Variants in HNF1A observed in about 807,000 individuals in gnomAD.
HNF1A encodes HNF1 homeobox A.
Under a neutral mutation model 62.2 loss-of-function variants are expected in HNF1A, and 21 were observed. The ratio of observed to expected loss-of-function variants is 0.34; its 90% CI spans 0.24 to 0.49. The LOEUF (loss-of-function observed/expected upper bound fraction) is 0.49. HNF1A is among the 20% of genes least tolerant of loss of function. The pLI, the probability that HNF1A is intolerant of heterozygous loss-of-function variation, is 0.99. For synonymous variants in HNF1A, 374 were observed against 366.8 expected (o/e 1.02, Z -0.22); for missense variants, 687 against 832.3 (o/e 0.83, Z 2.15).
intron 9 of HNF1A, among the ~76,000 whole-genome samples, chr12:121,000,335 A>T (rs1265067698): frequency 6.6e-6 from 1 of 152,260 alleles, no homozygotes; most frequent in South Asian, 2.1e-4. Flanking sequence ...AGGCGTGTCC[A>T]TGACCACCCC....
At chr12:120,989,291 C>G (rs1301187927) in intron 2 of HNF1A, among the ~76,000 whole-genome samples, 1 of 151,752 alleles carries the variant, frequency 6.6e-6, no homozygotes, top group Non-Finnish European at 1.5e-5. Flanking sequence ...GAGTTTTGCT[C>G]TTATTGCCCA....
intron 9 of HNF1A, among the ~76,000 whole-genome samples, chr12:121,000,272 C>G (rs1877364638): frequency 6.6e-6 from 1 of 152,128 alleles, no homozygotes. Context: ...CCGGCCCTGG[C>G]AGCTGTCATG....
At chr12:120,986,602 C>T (rs1004477377) in intron 1 of HNF1A, among the ~76,000 whole-genome samples, 2 of 152,140 alleles carry the variant, frequency 1.3e-5, no homozygotes, top group African/African-American at 2.4e-5. Flanking sequence ...TTTTTTGAGA[C>T]GGAGTCTCAC....
chr12:120,983,283 C>T (rs946679296), intron 1 of HNF1A, among the ~76,000 whole-genome samples: 1 of 152,200 alleles, frequency 6.6e-6, no homozygotes, highest in Non-Finnish European at 1.5e-5. Flanking sequence ...CAATATTATT[C>T]CACAAATTCA....
At position 121,001,153 on chromosome 12, in the gene HNF1A, G is replaced by T. The variant is rs1877449055; in HGVS notation, c.1857G>T (p.Glu619Asp). ...HLLPSNHSVI[E>D]TFISTQMASS... ...TGCCATCCAACCACAGCGTCATCGAGACCTTCATCTCCACCCAGATGGCCT... is the reference window on the plus strand; with the variant it reads ...TGCCATCCAACCACAGCGTCATCGATACCTTCATCTCCACCCAGATGGCCT... Residue 619 changes from glutamate to aspartate, a missense_variant, in exon 10 of 10, where the codon GAG (glutamate) becomes GAT (aspartate). By Grantham distance (45) the Glu-to-Asp change is conservative. Transcript: ENST00000257555. 1 of 1,614,096 alleles carries T rather than the reference G, an allele frequency of 6.2e-7. No individual in the cohort carries two copies. Among genetic ancestry groups the T allele is most frequent in the East Asian group, 2.2e-5 (1 of 44,882 alleles).
At position 120,994,261 on chromosome 12, in the gene HNF1A, C is replaced by T. The variant is rs886039386; in HGVS notation, c.811C>T (p.Arg271Trp). ...GCGTGTCTACAACTGGTTTGCCAAC[C>T]GGCGCAAAGAAGAAGCCTTCCGGCA... is the stretch of plus-strand genomic sequence containing the variant. Reference protein sequence around the residue: ...EVRVYNWFANRRKEEAFRHKL... With the variant: ...EVRVYNWFANWRKEEAFRHKL... Residue 271 changes from arginine to tryptophan, a missense_variant, in exon 4 of 10, where the codon CGG (arginine) becomes TGG (tryptophan). Arg to Trp is a moderately radical substitution (Grantham distance 101). Transcript: ENST00000257555. 1 of 1,613,446 alleles carries T rather than the reference C, an allele frequency of 6.2e-7. No individual in the cohort carries two copies. The highest frequency in any genetic ancestry group is 1.3e-5 in the African/African-American group (1 of 75,036).
rs193922591 is a variant in HNF1A at position 121,001,150 on chromosome 12, C to G, written c.1854C>G (p.Ile618Met). ...SHLLPSNHSVIETFISTQMAS... is the reference protein window; with the variant it reads ...SHLLPSNHSVMETFISTQMAS... The stretch of plus-strand genomic sequence containing the variant: ...TGCTGCCATCCAACCACAGCGTCAT[C>G]GAGACCTTCATCTCCACCCAGATGG... Residue 618 changes from isoleucine to methionine, a missense_variant, in exon 10 of 10, where the codon ATC (isoleucine) becomes ATG (methionine). By Grantham distance (10) the Ile-to-Met change is conservative. Around this residue, in one of 5 missense-constraint regions of HNF1A, gnomAD observed 408 missense variants for 455.3 expected, o/e 0.90. Transcript: ENST00000257555. 2.0e-5 allele frequency: 32 copies of G among 1,613,992 alleles called. 1 individual carries two copies. The East Asian group carries it at 2.2e-4, about 11-fold the overall frequency.
Position 120,993,514 on chromosome 12 carries a change from CT to C in HNF1A, c.527-5del. On this transcript the variant is annotated splice_region_variant and splice_polypyrimidine_tract_variant and intron_variant, in intron 2 of 9. Transcript: ENST00000257555. The stretch of plus-strand genomic sequence containing the variant: ...GTACCCCACTCACGGCTTTCTGTGC[CT>C]GCAGAGTTCACCCATGCAGGGCAGG... 11 of 1,613,860 alleles carry C rather than the reference CT, an allele frequency of 6.8e-6. No homozygotes were observed. Among genetic ancestry groups the C allele is most frequent in the Non-Finnish European group, 9.3e-6 (11 of 1,179,966 alleles).
intron 1 of HNF1A, among the ~76,000 whole-genome samples, chr12:120,985,565 G>C (rs1448123787): frequency 6.6e-6 from 1 of 151,694 alleles, no homozygotes. Context: ...CCAAGTACTT[G>C]GGAGTCCGAG....
chr12:120,996,683 G>A lies in HNF1A; in HGVS notation c.1250G>A (p.Gly417Asp). The A allele has an allele frequency of 6.2e-7, 1 of 1,614,122 alleles. No individual in the cohort carries two copies. The highest frequency in any genetic ancestry group is 8.5e-7 in the Non-Finnish European group (1 of 1,180,034). ...CCTGGGGTCATGACCATCGGGCCTG[G>A]TGAGCCTGCCTCCCTGGGTCCTACG... Reference protein sequence around the residue: ...SLPGVMTIGPGEPASLGPTFT... With the variant: ...SLPGVMTIGPDEPASLGPTFT... Residue 417 changes from glycine (G) to aspartate (D), a missense_variant, in exon 6 of 10, where the codon GGT becomes GAT. Coordinates refer to ENST00000257555, the MANE Select transcript of HNF1A (RefSeq NM_000545.8). The surrounding 1 kb of genome is among the most constrained non-coding windows in gnomAD (Gnocchi z 4.5).
intron 1 of HNF1A, 149 bp from the exon 2 acceptor site, chr12:120,988,684 G>A: frequency 1.4e-6 from 1 of 713,826 alleles, no homozygotes; most frequent in Non-Finnish European, 2.5e-6. Context: ...CCGTCCCTGA[G>A]TCTATGTGTA....
intron 1 of HNF1A, among the ~76,000 whole-genome samples, chr12:120,982,124 G>A (rs544599784): frequency 2.3e-4 from 35 of 152,296 alleles, no homozygotes; most frequent in Admixed American, 9.8e-4. Context: ...CGGCTGGAGT[G>A]CATGGCGCGA....
chr12:120,993,538 A>G lies in HNF1A; in HGVS notation c.545A>G (p.Gln182Arg). The change falls in exon 3 of 10, where the codon CAG becomes CGG. Residue 182 changes from glutamine to arginine, a missense_variant. By Grantham distance (43) the Gln-to-Arg change is conservative (BLOSUM62 1). This residue lies in a region of HNF1A where 47 missense variants were observed against 52.5 expected (regional missense o/e 0.90). Transcript: ENST00000257555. ...CCTGCAGAGTTCACCCATGCAGGGC[A>G]GGGAGGGCTGATTGAAGAGCCCACA... ...EVAQQFTHAG[Q>R]GGLIEEPTGD... 6.2e-7 allele frequency: 1 copy of G among 1,614,152 alleles called. No homozygotes were observed. Among genetic ancestry groups the G allele is most frequent in the South Asian group, 1.1e-5 (1 of 91,082 alleles).
chr12:120,978,762 C>A lies in HNF1A; in HGVS notation c.-7C>A. The A allele has an allele frequency of 1.2e-6, 2 of 1,612,402 alleles. No homozygotes were observed. Among genetic ancestry groups the A allele is most frequent in the Non-Finnish European group, 1.7e-6 (2 of 1,179,698 alleles). ...CCCGGGCCGCGTGGCCCTGTGGCAG[C>A]CGAGCCATGGTTTCTAAACTGAGCC... On this transcript the variant is annotated 5_prime_UTR_variant, in exon 1 of 10. Coordinates refer to ENST00000257555, the MANE Select transcript of HNF1A (RefSeq NM_000545.8).
intron 7 of HNF1A, 129 bp from the exon 8 acceptor site, chr12:120,999,139 T>C (rs1877280425): frequency 8.8e-7 from 1 of 1,141,370 alleles, no homozygotes; most frequent in Non-Finnish European, 1.3e-6. Context: ...AAATCAGCCC[T>C]GGATCTCCAA....
In HNF1A at chr12:121,001,015, G is replaced by C. The variant is rs749368168; in HGVS notation, c.1769-50G>C. ...GTACCCCTAGGGACAGGCAGGTGGG[G>C]TGGGTGTGGGTGCCTGGTGGGTGGC... On this transcript the variant is annotated intron_variant, in intron 9 of 9. Transcript: ENST00000257555. The C allele has an allele frequency of 3.1e-6, 5 of 1,609,222 alleles. No homozygotes were observed. In the African/African-American group the frequency reaches 6.7e-5, roughly 21 times the overall value.
chr12:121,001,281 C>A lies in HNF1A; in HGVS notation c.*89C>A, dbSNP rs562238054. On this transcript the variant is annotated 3_prime_UTR_variant, in exon 10 of 10. Coordinates refer to ENST00000257555, the MANE Select transcript of HNF1A (RefSeq NM_000545.8). Reference sequence around the variant, plus strand: ...CCCTGCCTGGAGGACCTGAGCCTGCCGAGCAACCGTGGCCCTTCCTGGACA... The same window carrying A: ...CCCTGCCTGGAGGACCTGAGCCTGCAGAGCAACCGTGGCCCTTCCTGGACA... The A allele has an allele frequency of 7.6e-5, 115 of 1,513,040 alleles. 1 individual carries two copies. In the East Asian group the frequency reaches 2.2e-3, roughly 28 times the overall value. 93.7% of individuals were successfully genotyped at this position (1,513,040 alleles called of 1,614,324 possible). A position where few individuals can be genotyped will look rare whatever the true frequency, so the allele number is the denominator to read the frequency against.
chr12:120,986,354 T>C (rs1876509509), intron 1 of HNF1A, among the ~76,000 whole-genome samples: 1 of 152,226 alleles, frequency 6.6e-6, no homozygotes, highest in South Asian at 2.1e-4. Flanking sequence ...CTGGGCTCCT[T>C]GGTGGCTTCC....
In HNF1A at chr12:120,994,507, G is replaced by A. The variant is rs1876993052; in HGVS notation, c.955+102G>A. The A allele has an allele frequency of 3.0e-6, 4 of 1,353,854 alleles. No homozygotes were observed. In the Admixed American group the frequency reaches 6.8e-5, roughly 23 times the overall value. 83.9% of individuals were successfully genotyped at this position (1,353,854 alleles called of 1,614,324 possible). A position where few individuals can be genotyped will look rare whatever the true frequency, so the allele number is the denominator to read the frequency against. On this transcript the variant is annotated intron_variant, in intron 4 of 9. Transcript: ENST00000257555. ...CCTAAACCTCTTTGCACTTCAGTTT[G>A]GTTCCATTCCATTCATGCCACTCCT...
Sources: allele counts gnomAD v4.1 joint callset (sites outside exome capture counted in the v4.1 genomes callset), GRCh38; gene constraint gnomAD v4.1.1; regional missense constraint gnomAD v4.1.1; non-coding constraint Gnocchi (gnomAD v3.1); transcripts MANE v1.5; gene names NCBI Gene and HGNC (gene_info 2026-07-23, HGNC 2026-07-21).